The following ABCD3 variants were observed in gnomAD, a reference collection of about 807,000 sequenced individuals.
ABCD3 encodes the protein ATP-binding cassette sub-family D member 3.
In ABCD3, 41 loss-of-function variants were observed where a neutral mutation model predicts 105.5. That is an observed-to-expected ratio of 0.39 (90% CI 0.30 to 0.50). ABCD3 has a LOEUF of 0.50. ABCD3 is among the 20% of genes least tolerant of loss of function. The probability of loss-of-function intolerance (pLI) is 0.84; values close to 1 mark genes in which losing one functional copy is unlikely to be tolerated. For synonymous variants in ABCD3, 258 were observed against 269.0 expected (o/e 0.96, Z 0.40); for missense variants, 622 against 806.3 (o/e 0.77, Z 2.77).
upstream of ABCD3, among the ~76,000 whole-genome samples, chr1:94,417,882 G>A (rs149376418): frequency 6.6e-6 from 1 of 152,318 alleles, no homozygotes; most frequent in East Asian, 1.9e-4. Context: ...TTTGATCTGT[G>A]TCATTCTCCT....
chr1:94,503,872 C>G (rs1650222932), intron 20 of ABCD3, among the ~76,000 whole-genome samples: 1 of 146,516 alleles, frequency 6.8e-6, no homozygotes, highest in African/African-American at 2.5e-5. Flanking sequence ...AATCTTGGCT[C>G]ACTGCAACCT....
chr1:94,399,764 C>T, the ABCD3 span, among the ~76,000 whole-genome samples: 4 of 152,292 alleles, frequency 2.6e-5, no homozygotes, highest in South Asian at 2.1e-4. Flanking sequence ...CCTCAGATGC[C>T]GCAGTGCTGC....
At chr1:94,446,890 G>A (rs1249372385) in intron 1 of ABCD3, among the ~76,000 whole-genome samples, 2 of 152,164 alleles carry the variant, frequency 1.3e-5, no homozygotes, top group South Asian at 2.1e-4. Flanking sequence ...CTATAAATCT[G>A]TGGGGAAGAG....
chr1:94,412,617 C>T, the ABCD3 span, among the ~76,000 whole-genome samples: 21 of 152,322 alleles, frequency 1.4e-4, no homozygotes, highest in East Asian at 3.1e-3. Flanking sequence ...GAGAATACAT[C>T]TGCAGAGTCA....
chr1:94,434,733 A>G (rs543495250), intron 1 of ABCD3, among the ~76,000 whole-genome samples: 3 of 152,258 alleles, frequency 2.0e-5, no homozygotes, highest in Non-Finnish European at 2.9e-5. Flanking sequence ...GCATAAATAC[A>G]TAAATAATGC....
chr1:94,444,059 C>T (rs902530265), intron 1 of ABCD3, among the ~76,000 whole-genome samples: 2 of 151,824 alleles, frequency 1.3e-5, no homozygotes, highest in Non-Finnish European at 2.9e-5. Context: ...TTCGGCTGGG[C>T]ACAGTGGCTC....
At chr1:94,447,075 G>T (rs1329514696) in intron 1 of ABCD3, among the ~76,000 whole-genome samples, 1 of 152,194 alleles carries the variant, frequency 6.6e-6, no homozygotes, top group Admixed American at 6.5e-5. Flanking sequence ...CAAGGTTTAG[G>T]ATATCATTTT....
At chr1:94,478,370 C>A in intron 8 of ABCD3, 55 bp downstream of exon 8, 1 of 1,377,354 alleles carries the variant, frequency 7.3e-7, no homozygotes, top group Non-Finnish European at 1.0e-6. Context: ...ATTTGAAATA[C>A]ATATTGTGAA....
intron 16 of ABCD3, among the ~76,000 whole-genome samples, chr1:94,497,732 T>G (rs764338103): frequency 2.0e-5 from 3 of 152,240 alleles, no homozygotes; most frequent in Non-Finnish European, 4.4e-5. Flanking sequence ...TGCTGACTTG[T>G]ACACTCATTG....
intron 15 of ABCD3, among the ~76,000 whole-genome samples, chr1:94,490,294 A>G (rs1057114566): frequency 1.3e-5 from 2 of 152,022 alleles, no homozygotes; most frequent in African/African-American, 4.8e-5. Flanking sequence ...CAGGTATACA[A>G]TATAGTATTT....
At position 94,473,802 on chromosome 1, in the gene ABCD3, ATACT is replaced by A; in HGVS notation, c.377_380del (p.Leu126SerfsTer17). 1.2e-6 allele frequency: 2 copies of A among 1,612,794 alleles called. No individual in the cohort carries two copies. The highest frequency in any genetic ancestry group is 2.2e-5 in the East Asian group (1 of 44,782). Reference sequence around the variant, plus strand: ...GTCGTAGCAGGAAAGATTTCAAGAGATACTTACTCAACTTCATCGCTGCCATGCC... The same window carrying A: ...GTCGTAGCAGGAAAGATTTCAAGAGATACTCAACTTCATCGCTGCCATGCC... On this transcript the variant is annotated frameshift_variant, in exon 5 of 23. Transcript: ENST00000370214. LOFTEE classifies it high-confidence loss of function.
the ABCD3 span, among the ~76,000 whole-genome samples, chr1:94,403,203 G>C: frequency 1.3e-5 from 2 of 151,946 alleles, no homozygotes; most frequent in African/African-American, 2.4e-5. Context: ...GTCTTAGGTT[G>C]TTCTGATGTT....
upstream of ABCD3, among the ~76,000 whole-genome samples, chr1:94,418,133 G>C (rs139474636): frequency 2.8e-3 from 426 of 152,332 alleles, no homozygotes; most frequent in African/African-American, 9.8e-3. Flanking sequence ...CGAAGAGTGG[G>C]AGGGTAGGGG....
chr1:94,494,099 ATAAAAT>A (rs1649677914), intron 16 of ABCD3, among the ~76,000 whole-genome samples: 1 of 152,294 alleles, frequency 6.6e-6, no homozygotes, highest in East Asian at 1.9e-4. Flanking sequence ...TATAATAATA[ATAAAAT>A]TAAAAAAAGA....
rs1482355003 is a variant in ABCD3, at chr1:94,518,128, G to A, written c.*999G>A. ...ATACATGGGTGAATTATGTTTCCGA[G>A]GCACTGTTTTATCTCTGTGAATCTT... is the stretch of plus-strand genomic sequence containing the variant. On this transcript the variant is annotated 3_prime_UTR_variant, in exon 23 of 23. Coordinates refer to ENST00000370214, the MANE Select transcript of ABCD3 (RefSeq NM_002858.4). 6.6e-6 allele frequency: 1 copy of A among 151,852 alleles called. No homozygotes were observed. Among genetic ancestry groups the A allele is most frequent in the African/African-American group, 2.4e-5 (1 of 41,342 alleles). The allele number at this position is 151,852 out of a possible 1,614,324, so 9.4% of individuals were successfully genotyped here.
At chr1:94,417,201 G>T (rs745306220), upstream of ABCD3, among the ~76,000 whole-genome samples, 1 of 152,174 alleles carries the variant, frequency 6.6e-6, no homozygotes. Flanking sequence ...AGGAGCTTCA[G>T]TTCTGCATAA....
chr1:94,411,522 T>A, the ABCD3 span, among the ~76,000 whole-genome samples: 1 of 152,206 alleles, frequency 6.6e-6, no homozygotes, highest in South Asian at 2.1e-4. Flanking sequence ...AGAACCCTTT[T>A]TCATTGCTGG....
At chr1:94,508,403 T>C (rs1486737786) in intron 21 of ABCD3, among the ~76,000 whole-genome samples, 1 of 152,120 alleles carries the variant, frequency 6.6e-6, no homozygotes, top group East Asian at 1.9e-4. Flanking sequence ...AGCCTTGTAG[T>C]ATGGTTTGAA....
chr1:94,475,154 T>C lies in ABCD3; in HGVS notation c.417T>C (p.Val139=). 6.3e-7 allele frequency: 1 copy of C among 1,597,808 alleles called. No individual in the cohort carries two copies. Among genetic ancestry groups the C allele is most frequent in the South Asian group, 1.1e-5 (1 of 88,882 alleles). The change falls in exon 6 of 23, where the codon GTT becomes GTC. Residue 139 remains valine, a synonymous_variant. Coordinates refer to ENST00000370214, the MANE Select transcript of ABCD3 (RefSeq NM_002858.4). ...TTTGTTTGTTTTAGATCTCTCTGGT[T>C]AATAACTTCTTGAAGTATGGGTTAA... ...FIAAMPLISL[V]NNFLKYGLNE...
Sources: gnomAD v4.1 joint callset for allele counts (sites outside exome capture counted in the v4.1 genomes callset) on GRCh38, gnomAD v4.1.1 for gene constraint, MANE v1.5 for transcripts, NCBI Gene and HGNC (gene_info 2026-07-23, HGNC 2026-07-21) for gene names.